PHF20L1: variants seen among roughly 807,000 people sequenced by gnomAD.
PHF20L1 encodes PHD finger protein 20-like protein 1.
PHF20L1 carries 44 observed loss-of-function variants against 125.5 expected under a neutral mutation model. The observed-to-expected ratio is 0.35, with a 90% CI of 0.28 to 0.45. The LOEUF is 0.45. Among genes scored for constraint, PHF20L1 ranks in the 20% least tolerant of loss-of-function variants. The probability of loss-of-function intolerance (pLI) is 1.00; values close to 1 mark genes in which losing one functional copy is unlikely to be tolerated. For synonymous variants in PHF20L1, 380 were observed against 403.1 expected, an observed-to-expected ratio of 0.94 and a Z score of 0.69; for missense variants, 1,012 against 1,217.2, an observed-to-expected ratio of 0.83 and a Z score of 2.51.
Position 132,775,431 on chromosome 8 carries a change from A to T in PHF20L1, c.-252A>T, listed in dbSNP as rs1427586268. Reference sequence around the variant, plus strand: ...AGGCGGCGGCGGCGGCGGCGATGGCAGCGGACCCTGAGCGAGCTTGAGGGC... The same window carrying T: ...AGGCGGCGGCGGCGGCGGCGATGGCTGCGGACCCTGAGCGAGCTTGAGGGC... On this transcript the variant is annotated 5_prime_UTR_variant, in exon 1 of 21. Coordinates refer to ENST00000395386, the MANE Select transcript of PHF20L1 (RefSeq NM_016018.5). The T allele has an allele frequency of 2.6e-6, 1 of 386,014 alleles. No individual in the cohort carries two copies. The highest frequency in any genetic ancestry group is 4.5e-6 in the Non-Finnish European group (1 of 220,422). 23.9% of individuals were successfully genotyped at this position (386,014 alleles called of 1,614,324 possible).
chr8:132,837,550 CA>C (rs1837500321), intron 16 of PHF20L1, among the ~76,000 whole-genome samples, 161 bp from the exon 17 acceptor site: 1 of 152,092 alleles, frequency 6.6e-6, no homozygotes, highest in Admixed American at 6.6e-5. Context: ...AGATAAAATT[CA>C]TCTTAAGTCA....
intron 2 of PHF20L1, among the ~76,000 whole-genome samples, chr8:132,790,371 C>T (rs756095691): frequency 5.9e-5 from 9 of 152,284 alleles, no homozygotes; most frequent in Non-Finnish European, 1.2e-4. Context: ...ATGCATTTCA[C>T]GGGTATTGCA....
At chr8:132,806,783 A>G (rs543268521) in intron 8 of PHF20L1, 1 of 152,118 alleles carries the variant, frequency 6.6e-6, no homozygotes, top group Admixed American at 6.6e-5. Context: ...GCTCATCTGT[A>G]TGTGTCTTTT....
Position 132,825,420 on chromosome 8 carries a change from T to G in PHF20L1, c.1744+49T>G, listed in dbSNP as rs769599220. On this transcript the variant is annotated intron_variant, in intron 14 of 20. Transcript: ENST00000395386. ...CCCTCTTTTTTTAAAATTTGAAGTTTCCTTTGATTCCCCTTTTCTTTTACA... is the reference window on the plus strand; with the variant it reads ...CCCTCTTTTTTTAAAATTTGAAGTTGCCTTTGATTCCCCTTTTCTTTTACA... 5 of 1,388,982 alleles carry G rather than the reference T, an allele frequency of 3.6e-6. No individual in the cohort carries two copies. In the Admixed American group the frequency reaches 1.1e-4, roughly 31 times the overall value. The allele number at this position is 1,388,982 out of a possible 1,614,324, so 86.0% of individuals were successfully genotyped here.
At chr8:132,831,140 C>T (rs1049029856) in intron 14 of PHF20L1, among the ~76,000 whole-genome samples, 1 of 152,042 alleles carries the variant, frequency 6.6e-6, no homozygotes, top group Non-Finnish European at 1.5e-5. Flanking sequence ...TAGAGTGATC[C>T]TCTGGAAATG....
intron 11 of PHF20L1, 101 bp from the exon 12 acceptor site, chr8:132,817,238 G>T: frequency 9.4e-7 from 1 of 1,059,380 alleles, no homozygotes; most frequent in Non-Finnish European, 1.4e-6. Context: ...CCTTCTTTGT[G>T]CCAGGCACTG....
At chr8:132,839,642 C>A in intron 18 of PHF20L1, 60 bp downstream of exon 18, 2 of 1,185,706 alleles carry the variant, frequency 1.7e-6, no homozygotes, top group Non-Finnish European at 2.5e-6. Flanking sequence ...TTCAAACCAA[C>A]ACTGTTGGCC....
intron 7 of PHF20L1, 104 bp downstream of exon 7, chr8:132,804,136 G>A: frequency 2.6e-6 from 2 of 765,808 alleles, no homozygotes; most frequent in South Asian, 1.8e-5. Flanking sequence ...AATTAAATTT[G>A]TAGGCTTTTG....
chr8:132,823,936 T>C, intron 12 of PHF20L1, 68 bp from the exon 13 acceptor site: 1 of 863,510 alleles, frequency 1.2e-6, no homozygotes, highest in South Asian at 1.6e-5. Flanking sequence ...GCAATTGTAA[T>C]GTAAAATATT....
At chr8:132,800,749 G>A (rs560630638) in intron 6 of PHF20L1, among the ~76,000 whole-genome samples, 68 of 151,540 alleles carry the variant, frequency 4.5e-4, no homozygotes, top group East Asian at 2.3e-3. Context: ...CTTTGAACCC[G>A]TTGGTTAATA....
At chr8:132,839,737 A>T (rs1420376230) in intron 18 of PHF20L1, among the ~76,000 whole-genome samples, 155 bp downstream of exon 18, 1 of 152,050 alleles carries the variant, frequency 6.6e-6, no homozygotes, top group Non-Finnish European at 1.5e-5. Context: ...AAGATTAACA[A>T]CCTTTTGGAT....
intron 7 of PHF20L1, 30 bp downstream of exon 7, chr8:132,804,062 T>C: frequency 7.1e-7 from 1 of 1,403,704 alleles, no homozygotes; most frequent in Non-Finnish European, 1.0e-6. Context: ...GTTAATTCCT[T>C]ATGACACTGG....
At chr8:132,835,488 G>A (rs1019874495) in intron 15 of PHF20L1, among the ~76,000 whole-genome samples, 22 of 151,996 alleles carry the variant, frequency 1.4e-4, no homozygotes, top group East Asian at 5.8e-4. Context: ...AGATTCCCCC[G>A]TGTCTGTCTC....
chr8:132,844,417 G>A (rs1838235247), intron 20 of PHF20L1, 99 bp downstream of exon 20: 2 of 874,164 alleles, frequency 2.3e-6, no homozygotes, highest in South Asian at 3.4e-5. Flanking sequence ...GAAAACTGCA[G>A]ATACTCTCCA....
At chr8:132,821,657 T>C (rs1277350984) in intron 12 of PHF20L1, among the ~76,000 whole-genome samples, 1 of 151,934 alleles carries the variant, frequency 6.6e-6, no homozygotes, top group African/African-American at 2.4e-5. Context: ...CTCTTTTTAG[T>C]CAGAAGAATC....
chr8:132,823,995 A>G lies in PHF20L1; in HGVS notation c.1580-9A>G, dbSNP rs750719453. On this transcript the variant is annotated splice_polypyrimidine_tract_variant and intron_variant, in intron 12 of 20. Coordinates refer to ENST00000395386, the MANE Select transcript of PHF20L1 (RefSeq NM_016018.5). ...GATTAAACTTACATATTTTTCCCCT[A>G]ACCCACAGGAATATCGAAAACAGAA... is the stretch of plus-strand genomic sequence containing the variant. 1 of 1,559,478 alleles carries G rather than the reference A, an allele frequency of 6.4e-7. No individual in the cohort carries two copies. The highest frequency in any genetic ancestry group is 8.8e-7 in the Non-Finnish European group (1 of 1,137,400).
intron 15 of PHF20L1, among the ~76,000 whole-genome samples, chr8:132,834,517 A>G (rs75381671): frequency 0.02 from 3,020 of 152,026 alleles, 100 homozygotes; most frequent in African/African-American, 0.068. Flanking sequence ...TTGCTTTTGT[A>G]GAGATGAGGG....
chr8:132,844,138 A>G lies in PHF20L1; in HGVS notation c.2749-18A>G. The G allele has an allele frequency of 1.2e-6, 2 of 1,610,884 alleles. No homozygotes were observed. The highest frequency in any genetic ancestry group is 1.1e-5 in the South Asian group (1 of 90,938). On this transcript the variant is annotated intron_variant, in intron 19 of 20. Transcript: ENST00000395386. ...ATCCCGTTCTTTGTGTTTATTTTCC[A>G]ATGGTCCTTTGGAGAAGAATCCAGC...
chr8:132,821,118 G>A (rs547905048), intron 12 of PHF20L1, among the ~76,000 whole-genome samples: 2 of 151,898 alleles, frequency 1.3e-5, no homozygotes, highest in South Asian at 2.1e-4. Context: ...CTGAGTTTTC[G>A]GGTAGCATTC....
Sources: allele counts gnomAD v4.1 joint callset (sites outside exome capture counted in the v4.1 genomes callset), GRCh38; gene constraint gnomAD v4.1.1; transcripts MANE v1.5; gene names NCBI Gene and HGNC (gene_info 2026-07-23, HGNC 2026-07-21).